Variants in CCM2 observed in about 807,000 individuals in gnomAD.
CCM2 encodes CCM2 scaffold protein.
In CCM2, 25 loss-of-function variants were observed where a neutral mutation model predicts 44.9. The observed-to-expected ratio is 0.56, with a 90% confidence interval of 0.41 to 0.78. The LOEUF is 0.78. Ranked by LOEUF, CCM2 falls within the 30% of genes least tolerant of loss-of-function variation. The pLI is 0.00. For synonymous variants in CCM2, 219 were observed against 241.1 expected (o/e 0.91, Z 0.85); for missense variants, 481 against 580.6 (o/e 0.83, Z 1.76).
chr7:45,047,001 G>A (rs1797787931), intron 2 of CCM2, among the ~76,000 whole-genome samples: 1 of 152,172 alleles, frequency 6.6e-6, no homozygotes, highest in African/African-American at 2.4e-5. Context: ...TCAGGGAAAT[G>A]CACATTAAAA....
At chr7:45,015,609 A>G (rs917925186) in intron 1 of CCM2, among the ~76,000 whole-genome samples, 2 of 152,190 alleles carry the variant, frequency 1.3e-5, no homozygotes, top group Non-Finnish European at 2.9e-5. Flanking sequence ...GGCCCTGGGT[A>G]TCTCAGTTTT....
At chr7:45,040,857 G>A (rs79728176) in intron 2 of CCM2, among the ~76,000 whole-genome samples, 1,589 of 152,252 alleles carry the variant, frequency 0.01, 25 homozygotes, top group African/African-American at 0.037. Flanking sequence ...AGGTGTAGTG[G>A]CACACGCCTG....
At chr7:45,002,866 T>G (rs1795699479) in intron 1 of CCM2, among the ~76,000 whole-genome samples, 1 of 151,944 alleles carries the variant, frequency 6.6e-6, no homozygotes, top group Non-Finnish European at 1.5e-5. Flanking sequence ...CACTCATGGG[T>G]CCATCTGAAG....
chr7:45,061,510 G>A (rs1240984965), intron 2 of CCM2, among the ~76,000 whole-genome samples: 1 of 147,956 alleles, frequency 6.8e-6, no homozygotes, highest in Admixed American at 6.8e-5. Flanking sequence ...TGTTGGTTGG[G>A]AAACTGGAGT....
At chr7:45,019,349 G>C (rs1318338329) in intron 1 of CCM2, among the ~76,000 whole-genome samples, 1 of 152,044 alleles carries the variant, frequency 6.6e-6, no homozygotes, top group Non-Finnish European at 1.5e-5. Context: ...TTACAGGAAT[G>C]AGCCACCGCA....
chr7:45,004,920 C>T (rs894945197), intron 1 of CCM2, among the ~76,000 whole-genome samples: 1 of 150,828 alleles, frequency 6.6e-6, no homozygotes, highest in Admixed American at 6.6e-5. Context: ...TGCTTGAACT[C>T]GGGAGATGGA....
chr7:45,076,335 G>A lies in CCM2; in HGVS notation c.*278G>A, dbSNP rs763539981. The A allele has an allele frequency of 2.2e-4, 140 of 627,358 alleles. No individual in the cohort carries two copies. Among genetic ancestry groups the A allele is most frequent in the Middle Eastern group, 4.1e-4 (1 of 2,456 alleles). 38.9% of individuals were successfully genotyped at this position (627,358 alleles called of 1,614,324 possible). A position where few individuals can be genotyped will look rare whatever the true frequency, so the allele number is the denominator to read the frequency against. On this transcript the variant is annotated 3_prime_UTR_variant, in exon 10 of 10. Transcript: ENST00000258781. Reference sequence around the variant, plus strand: ...GCTCGGGGAGGGCCCGGCCGAGCGGGCAGGGAGAGCCAGTCCTGTCGGCTG... The same window carrying A: ...GCTCGGGGAGGGCCCGGCCGAGCGGACAGGGAGAGCCAGTCCTGTCGGCTG...
At chr7:45,074,976 T>C (rs1042846909) in intron 9 of CCM2, among the ~76,000 whole-genome samples, 1 of 152,190 alleles carries the variant, frequency 6.6e-6, no homozygotes, top group Non-Finnish European at 1.5e-5. Flanking sequence ...TTTGCGGTAA[T>C]GTGTTGCTAG....
At chr7:45,044,062 T>G (rs1279928116) in intron 2 of CCM2, among the ~76,000 whole-genome samples, 1 of 152,236 alleles carries the variant, frequency 6.6e-6, no homozygotes, top group Non-Finnish European at 1.5e-5. Context: ...TTCCAGTGCT[T>G]GAGGTCTGTG....
chr7:45,033,364 C>CCTGTTGATTTGGTGTGGGCT (rs1246052281), intron 1 of CCM2, among the ~76,000 whole-genome samples: 15 of 152,066 alleles, frequency 9.9e-5, no homozygotes, highest in African/African-American at 3.6e-4. Context: ...GTTTGTGGGA[C>CCTGTTGATTTGGTGTGGGCT]CTGTTGATTT....
At chr7:45,053,613 T>A (rs1798111451) in intron 2 of CCM2, among the ~76,000 whole-genome samples, 1 of 152,208 alleles carries the variant, frequency 6.6e-6, no homozygotes, top group African/African-American at 2.4e-5. Flanking sequence ...GAGTCAGTGC[T>A]GCTCCCTGGC....
intron 9 of CCM2, among the ~76,000 whole-genome samples, chr7:45,075,330 G>A (rs527601389): frequency 6.6e-6 from 1 of 152,388 alleles, no homozygotes; most frequent in East Asian, 1.9e-4. Context: ...TCATGGCAGG[G>A]AAACTGGACT....
chr7:45,024,169 T>G (rs930205559), intron 1 of CCM2, among the ~76,000 whole-genome samples: 1 of 152,182 alleles, frequency 6.6e-6, no homozygotes, highest in African/African-American at 2.4e-5. Context: ...GTGTGGACTT[T>G]TTGGATTTCT....
Position 45,064,621 on chromosome 7 carries a change from T to G in CCM2, c.447T>G (p.Ala149=), listed in dbSNP as rs753507853. The G allele has an allele frequency of 6.2e-7, 1 of 1,613,860 alleles. No individual in the cohort carries two copies. Among genetic ancestry groups the G allele is most frequent in the Non-Finnish European group, 8.5e-7 (1 of 1,180,036 alleles). Residue 149 remains alanine, a synonymous_variant, in exon 4 of 10, where the codon GCT becomes GCG. Coordinates refer to ENST00000258781, the MANE Select transcript of CCM2 (RefSeq NM_031443.4). Reference sequence around the variant, plus strand: ...CCGTCTCCTATGTTCGGGATGACGCTGCACACCTGGTGGTCCTGAAGACAG... The same window carrying G: ...CCGTCTCCTATGTTCGGGATGACGCGGCACACCTGGTGGTCCTGAAGACAG... ...IAAVSYVRDD[A]AHLVVLKTAQ...
intron 1 of CCM2, among the ~76,000 whole-genome samples, chr7:45,000,696 A>G (rs898177960): frequency 2.4e-4 from 37 of 152,206 alleles, no homozygotes; most frequent in African/African-American, 8.0e-4. Flanking sequence ...AACTGGAGCT[A>G]GTGGGCTGTG....
At chr7:45,025,450 T>C (rs1796647449) in intron 1 of CCM2, among the ~76,000 whole-genome samples, 1 of 152,188 alleles carries the variant, frequency 6.6e-6, no homozygotes, top group Non-Finnish European at 1.5e-5. Flanking sequence ...GCTATGTCCT[T>C]GTTATTATTC....
intron 5 of CCM2, 118 bp downstream of exon 5, chr7:45,068,697 TC>T: frequency 2.3e-6 from 3 of 1,295,786 alleles, no homozygotes; most frequent in East Asian, 4.9e-5. Flanking sequence ...CCCAGCTACT[TC>T]CTCTGCCATT....
intron 1 of CCM2, among the ~76,000 whole-genome samples, chr7:45,029,746 C>T (rs560854570): frequency 6.6e-6 from 1 of 152,232 alleles, no homozygotes; most frequent in Non-Finnish European, 1.5e-5. Context: ...CCGCAGTTGG[C>T]ATCTGAGGGC....
At chr7:45,009,279 C>T (rs1461940797) in intron 1 of CCM2, among the ~76,000 whole-genome samples, 23 of 116,938 alleles carry the variant, frequency 2.0e-4, no homozygotes, top group African/African-American at 7.2e-4. Flanking sequence ...CCAGCCTGGG[C>T]GACAGAGGGA....
Sources: allele counts gnomAD v4.1 joint callset (sites outside exome capture counted in the v4.1 genomes callset), GRCh38; gene constraint gnomAD v4.1.1; transcripts MANE v1.5; gene names NCBI Gene and HGNC (gene_info 2026-07-23, HGNC 2026-07-21).